USP15: variants seen among roughly 807,000 people sequenced by gnomAD.
USP15 encodes ubiquitin specific peptidase 15.
Under a neutral mutation model 127.1 loss-of-function variants are expected in USP15, and 18 were observed. The ratio of observed to expected loss-of-function variants is 0.14; its 90% confidence interval spans 0.10 to 0.21. USP15 has a LOEUF of 0.21. USP15 is among the 10% of genes least tolerant of loss of function. USP15 has a pLI of 1.00. For missense variants in USP15, 805 were observed against 1,159.9 expected (o/e 0.69, Z 4.44); for synonymous variants, 364 against 393.7 (o/e 0.92, Z 0.89).
At chr12:62,279,563 A>G (rs1208159149) in intron 1 of USP15, among the ~76,000 whole-genome samples, 1 of 152,100 alleles carries the variant, frequency 6.6e-6, no homozygotes, top group East Asian at 1.9e-4. Context: ...ACCATTTTCC[A>G]TAGCCAGTGC....
intron 6 of USP15, 31 bp from the exon 7 acceptor site, chr12:62,349,190 T>A (rs1022947843): frequency 2.9e-5 from 36 of 1,253,642 alleles, no homozygotes; most frequent in African/African-American, 1.2e-4. Context: ...TTCATTTTTT[T>A]ATCTAATTTA....
intron 1 of USP15, among the ~76,000 whole-genome samples, chr12:62,270,890 C>T (rs1461267241): frequency 6.6e-6 from 1 of 152,014 alleles, no homozygotes; most frequent in Non-Finnish European, 1.5e-5. Context: ...AAATGACACA[C>T]TCATCTTTTT....
intron 5 of USP15, among the ~76,000 whole-genome samples, chr12:62,322,417 T>C (rs1453061840): frequency 1.3e-5 from 2 of 152,088 alleles, no homozygotes; most frequent in African/African-American, 2.4e-5. Flanking sequence ...ATTACAGGTG[T>C]GCGCCACCGT....
intron 7 of USP15, among the ~76,000 whole-genome samples, chr12:62,349,556 A>G (rs11174435): frequency 0.33 from 50,289 of 151,892 alleles, 8,868 homozygotes; most frequent in African/African-American, 0.46. Flanking sequence ...TCATTAAAAT[A>G]TATTTAGAAG....
At chr12:62,315,711 C>A (rs1321530572) in intron 4 of USP15, among the ~76,000 whole-genome samples, 1 of 152,088 alleles carries the variant, frequency 6.6e-6, no homozygotes, top group African/African-American at 2.4e-5. Flanking sequence ...TGAATTATAG[C>A]GTGGCATAAG....
chr12:62,293,417 T>C (rs1203659077), intron 1 of USP15, among the ~76,000 whole-genome samples: 1 of 152,144 alleles, frequency 6.6e-6, no homozygotes, highest in Non-Finnish European at 1.5e-5. Flanking sequence ...ACTGCAGTGG[T>C]GCGATCCCGG....
intron 6 of USP15, among the ~76,000 whole-genome samples, chr12:62,340,596 TTTCAAAGAAC>T: frequency 6.6e-6 from 1 of 152,350 alleles, no homozygotes; most frequent in Non-Finnish European, 1.5e-5. Flanking sequence ...TTCTCATTGG[TTTCAAAGAAC>T]TTCTTTATTT....
chr12:62,391,354 G>A lies in USP15; in HGVS notation c.2158G>A (p.Gly720Ser), dbSNP rs7358652. ...GTTTACATTCCAGTTCAACAACTTA[G>A]GCAATACTGATATCAACTACATCAA... ...RLFTFQFNNL[G>S]NTDINYIKDD... The change falls in exon 16 of 22, where the codon GGC becomes AGC. Residue 720 changes from glycine (G) to serine (S), a missense_variant. By Grantham distance (56) the Gly-to-Ser change is moderately conservative (BLOSUM62 0). Coordinates refer to ENST00000280377, the MANE Select transcript of USP15 (RefSeq NM_001252078.2). 6.2e-7 allele frequency: 1 copy of A among 1,613,048 alleles called. No individual in the cohort carries two copies. Among genetic ancestry groups the A allele is most frequent in the South Asian group, 1.1e-5 (1 of 91,006 alleles).
chr12:62,348,601 A>G (rs2065885152), intron 6 of USP15, among the ~76,000 whole-genome samples: 1 of 152,232 alleles, frequency 6.6e-6, no homozygotes, highest in Non-Finnish European at 1.5e-5. Flanking sequence ...TTTGTTGATT[A>G]TAAGTCATGC....
At chr12:62,384,942 A>G (rs2067101593) in intron 11 of USP15, among the ~76,000 whole-genome samples, 1 of 151,852 alleles carries the variant, frequency 6.6e-6, no homozygotes. Context: ...GTAAAGCACT[A>G]TCTTTTCTCC....
At chr12:62,398,284 C>T (rs1444945467) in intron 20 of USP15, among the ~76,000 whole-genome samples, 1 of 152,190 alleles carries the variant, frequency 6.6e-6, no homozygotes, top group African/African-American at 2.4e-5. Flanking sequence ...CATGCCACGA[C>T]ACCTGGCTTG....
chr12:62,390,924 G>A lies in USP15; in HGVS notation c.1905G>A (p.Lys635=). The A allele has an allele frequency of 6.2e-7, 1 of 1,612,898 alleles. No individual in the cohort carries two copies. Among genetic ancestry groups the A allele is most frequent in the South Asian group, 1.1e-5 (1 of 90,946 alleles). ...EETEGSLHCC[K]DQNINGNGPN... is the part of the protein sequence containing the mutation. ...CTGAAGGATCCCTACACTGCTGTAA[G>A]GACCAAAATATTAATGGGAATGGCC... The change falls in exon 15 of 22, where the codon AAG becomes AAA. Residue 635 remains lysine, a synonymous_variant. Coordinates refer to ENST00000280377, the MANE Select transcript of USP15 (RefSeq NM_001252078.2).
chr12:62,298,674 AATAAC>A (rs1040568815), intron 2 of USP15, among the ~76,000 whole-genome samples: 4 of 151,876 alleles, frequency 2.6e-5, no homozygotes, highest in African/African-American at 7.3e-5. Context: ...AAAAAAATAA[AATAAC>A]ATAATATGTG....
At chr12:62,363,042 G>T (rs908202609) in intron 8 of USP15, among the ~76,000 whole-genome samples, 2 of 152,148 alleles carry the variant, frequency 1.3e-5, no homozygotes, top group African/African-American at 4.8e-5. Flanking sequence ...GACAAAATGA[G>T]TTTGAAGGAG....
intron 6 of USP15, 28 bp from the exon 7 acceptor site, chr12:62,349,193 C>G (rs1422656208): frequency 7.9e-7 from 1 of 1,268,210 alleles, no homozygotes; most frequent in Non-Finnish European, 1.0e-6. Context: ...ATTTTTTTAT[C>G]TAATTTAACA....
chr12:62,368,683 T>G (rs1228058512), intron 8 of USP15, among the ~76,000 whole-genome samples: 1 of 152,226 alleles, frequency 6.6e-6, no homozygotes, highest in Non-Finnish European at 1.5e-5. Context: ...CATCCTTTTA[T>G]TTTGAGCCTA....
chr12:62,287,326 A>G (rs889979939), intron 1 of USP15, among the ~76,000 whole-genome samples: 1 of 152,206 alleles, frequency 6.6e-6, no homozygotes, highest in African/African-American at 2.4e-5. Flanking sequence ...AATATTTAAA[A>G]TAAAATTTAA....
At chr12:62,400,626 A>AC (rs2067656114) in intron 20 of USP15, among the ~76,000 whole-genome samples, 1 of 151,986 alleles carries the variant, frequency 6.6e-6, no homozygotes, top group Non-Finnish European at 1.5e-5. Flanking sequence ...AAAAAAAAAA[A>AC]AACACTATAG....
chr12:62,364,964 AC>A (rs2066431724), intron 8 of USP15, among the ~76,000 whole-genome samples: 1 of 152,120 alleles, frequency 6.6e-6, no homozygotes, highest in African/African-American at 2.4e-5. Context: ...TCATTGATGG[AC>A]ATTTGGGTTG....
Sources: allele counts gnomAD v4.1 joint callset (sites outside exome capture counted in the v4.1 genomes callset), GRCh38; gene constraint gnomAD v4.1.1; transcripts MANE v1.5; gene names NCBI Gene and HGNC (gene_info 2026-07-23, HGNC 2026-07-21).